Variants in NLGN1 observed in about 807,000 individuals in gnomAD.
The protein encoded by NLGN1 is neuroligin 1, also known as neuroligin-1.
In NLGN1, 12 loss-of-function variants were observed where a neutral mutation model predicts 65.5. The observed-to-expected ratio is 0.18, with a 90% CI of 0.12 to 0.30. The LOEUF is 0.30. Ranked by LOEUF, NLGN1 falls within the 10% of genes least tolerant of loss-of-function variation. The pLI is 1.00. For synonymous variants in NLGN1, 350 were observed against 359.5 expected (o/e 0.97, Z 0.30); for missense variants, 750 against 1,007.1 (o/e 0.74, Z 3.46).
intron 4 of NLGN1, among the ~76,000 whole-genome samples, chr3:174,227,606 G>A (rs1439006971): frequency 6.6e-6 from 1 of 151,864 alleles, no homozygotes; most frequent in African/African-American, 2.4e-5. Flanking sequence ...AACACAAAAA[G>A]GCCCTCATAA....
intron 4 of NLGN1, among the ~76,000 whole-genome samples, chr3:174,098,398 T>C (rs1010668891): frequency 6.6e-6 from 1 of 152,194 alleles, no homozygotes; most frequent in Non-Finnish European, 1.5e-5. Flanking sequence ...TATGCATGTC[T>C]ATGTGCATTT....
intron 2 of NLGN1, among the ~76,000 whole-genome samples, chr3:173,439,621 G>T (rs1718791054): frequency 1.3e-5 from 2 of 150,578 alleles, no homozygotes; most frequent in Admixed American, 1.3e-4. Context: ...GCAGTAAAAT[G>T]AATCACACAA....
rs115196464 is a variant in NLGN1 at position 173,887,252 on chromosome 3, G to A, written c.646+79420G>A. Among the ~76,000 whole-genome samples, 371 of 152,004 alleles carry A rather than the reference G, an allele frequency of 2.4e-3. 2 individuals are homozygous for A. The highest frequency in any genetic ancestry group is 8.0e-3 in the African/African-American group (333 of 41,514). ...GATCACAGTAAAAATGCTTTCATTT[G>A]GGGAGATTCTACCTATATTTCTTGG... On this transcript the variant is annotated intron_variant, in intron 4 of 6. Transcript: ENST00000457714.
At chr3:173,745,688 A>C (rs1775260132) in intron 3 of NLGN1, among the ~76,000 whole-genome samples, 1 of 152,056 alleles carries the variant, frequency 6.6e-6, no homozygotes, top group South Asian at 2.1e-4. Context: ...GCAGGTGTTT[A>C]GGGAAATCTC....
intron 3 of NLGN1, among the ~76,000 whole-genome samples, chr3:173,703,247 A>G (rs1165399732): frequency 6.6e-6 from 1 of 152,206 alleles, no homozygotes; most frequent in Non-Finnish European, 1.5e-5. Context: ...ATGTGAAAGA[A>G]CAAATCTTTT....
At chr3:174,171,768 CA>C (rs1237230324) in intron 4 of NLGN1, among the ~76,000 whole-genome samples, 2 of 152,088 alleles carry the variant, frequency 1.3e-5, no homozygotes, top group Non-Finnish European at 2.9e-5. Context: ...TCTTCTTTAA[CA>C]GTCCCACGAC....
At chr3:174,223,375 A>G (rs1484075442) in intron 4 of NLGN1, among the ~76,000 whole-genome samples, 3 of 152,208 alleles carry the variant, frequency 2.0e-5, no homozygotes, top group Non-Finnish European at 4.4e-5. Context: ...AAGCAAGCAA[A>G]GTATCAAACA....
chr3:173,455,401 T>A (rs912629117), intron 2 of NLGN1, among the ~76,000 whole-genome samples: 4 of 151,966 alleles, frequency 2.6e-5, no homozygotes, highest in African/African-American at 9.7e-5. Context: ...CCCAAACACC[T>A]CCTAATAGGC....
At chr3:173,648,192 T>G (rs1269865837) in intron 3 of NLGN1, among the ~76,000 whole-genome samples, 2 of 152,102 alleles carry the variant, frequency 1.3e-5, no homozygotes, top group African/African-American at 2.4e-5. Flanking sequence ...TCAAATGACT[T>G]CATTAAGAGG....
At chr3:173,589,389 G>A (rs539160980) in intron 2 of NLGN1, among the ~76,000 whole-genome samples, 201 of 152,120 alleles carry the variant, frequency 1.3e-3, no homozygotes, top group Non-Finnish European at 2.1e-3. Flanking sequence ...TGGAGGTGCT[G>A]TAGGTGGTGC....
chr3:173,610,933 T>G (rs1301696152), intron 3 of NLGN1, among the ~76,000 whole-genome samples: 2 of 151,986 alleles, frequency 1.3e-5, no homozygotes, highest in Non-Finnish European at 2.9e-5. Context: ...TAAAGAAATA[T>G]TTTTATACAA....
At chr3:173,503,490 A>T (rs983282945) in intron 2 of NLGN1, among the ~76,000 whole-genome samples, 2 of 152,102 alleles carry the variant, frequency 1.3e-5, no homozygotes, top group Non-Finnish European at 2.9e-5. Context: ...ATTTATAAAA[A>T]CGAAGTTGTA....
At chr3:173,748,386 A>G (rs1202266675) in intron 3 of NLGN1, among the ~76,000 whole-genome samples, 1 of 152,154 alleles carries the variant, frequency 6.6e-6, no homozygotes, top group Non-Finnish European at 1.5e-5. Flanking sequence ...GGGTATGTGC[A>G]GAACAACTAG....
chr3:173,984,211 G>C (rs1719400987), intron 4 of NLGN1, among the ~76,000 whole-genome samples: 1 of 152,184 alleles, frequency 6.6e-6, no homozygotes. Flanking sequence ...GAGCTGGGAT[G>C]GGGACCATAG....
chr3:173,548,808 TTGAAG>T (rs952068981), intron 2 of NLGN1, among the ~76,000 whole-genome samples: 6 of 151,984 alleles, frequency 3.9e-5, no homozygotes, highest in Non-Finnish European at 7.4e-5. Flanking sequence ...TGAATATAAT[TTGAAG>T]TGGAGATTCT....
chr3:173,986,517 G>A (rs1719970341), intron 4 of NLGN1, among the ~76,000 whole-genome samples: 1 of 151,870 alleles, frequency 6.6e-6, no homozygotes, highest in Admixed American at 6.6e-5. Context: ...GGGAAATTTG[G>A]ACACCAAGAC....
rs577641811 is a variant in NLGN1, at chr3:174,006,435, C to T, written c.646+198603C>T. On this transcript the variant is annotated intron_variant, in intron 4 of 6. Coordinates refer to ENST00000457714, the Ensembl canonical transcript of NLGN1. ...CTATCCGTACTGACATTCTTTTTAA[C>T]CGGGTCACCTGCTGTGTGCATTTGA... Among the ~76,000 whole-genome samples the T allele has an allele frequency of 2.6e-5, 4 of 152,282 alleles. No homozygotes were observed. In the South Asian group the frequency reaches 8.3e-4, roughly 32 times the overall value.
chr3:173,743,418 T>C (rs1010897477), intron 3 of NLGN1, among the ~76,000 whole-genome samples: 1 of 152,086 alleles, frequency 6.6e-6, no homozygotes, highest in South Asian at 2.1e-4. Flanking sequence ...TATATTATAT[T>C]ATATTTTCTT....
chr3:174,002,368 T>C (rs1723468206), intron 4 of NLGN1, among the ~76,000 whole-genome samples: 1 of 152,178 alleles, frequency 6.6e-6, no homozygotes, highest in African/African-American at 2.4e-5. Context: ...ACTCAAGTGA[T>C]CCACCCTCCT....
Sources: allele counts gnomAD v4.1 joint callset (sites outside exome capture counted in the v4.1 genomes callset), GRCh38; gene constraint gnomAD v4.1.1; transcripts MANE v1.5; gene names NCBI Gene and HGNC (gene_info 2026-07-23, HGNC 2026-07-21).